CACNA2D3: variants seen among roughly 807,000 people sequenced by gnomAD.
CACNA2D3 encodes the protein calcium voltage-gated channel auxiliary subunit alpha2delta 3.
A neutral mutation model predicts 160.6 loss-of-function variants in CACNA2D3; 60 were observed. The ratio of observed to expected loss-of-function variants is 0.37; its 90% CI spans 0.30 to 0.46. The LOEUF (loss-of-function observed/expected upper bound fraction) is 0.46. Ranked by LOEUF, CACNA2D3 falls within the 20% of genes least tolerant of loss-of-function variation. The probability of loss-of-function intolerance (pLI) is 1.00; values close to 1 mark genes in which losing one functional copy is unlikely to be tolerated. For synonymous variants in CACNA2D3, 558 were observed against 492.9 expected (o/e 1.13, Z -1.75); for missense variants, 1,205 against 1,365.0 (o/e 0.88, Z 1.85).
At chr3:55,053,587 CT>C (rs34420521) in intron 35 of CACNA2D3, among the ~76,000 whole-genome samples, 3 of 152,030 alleles carry the variant, frequency 2.0e-5, no homozygotes, top group African/African-American at 7.2e-5. Context: ...TTTCCAACTG[CT>C]TTTTGCTACC....
At chr3:54,408,419 C>G (rs1699612503) in intron 4 of CACNA2D3, among the ~76,000 whole-genome samples, 1 of 152,142 alleles carries the variant, frequency 6.6e-6, no homozygotes, top group Non-Finnish European at 1.5e-5. Flanking sequence ...CAAACTGAAA[C>G]TTTAAGGAAG....
intron 2 of CACNA2D3, among the ~76,000 whole-genome samples, chr3:54,200,363 G>A (rs549605201): frequency 2.6e-5 from 4 of 152,316 alleles, no homozygotes; most frequent in Non-Finnish European, 4.4e-5. Context: ...TTCCAGAGCA[G>A]AAATAATTTG....
chr3:55,018,978 T>G (rs917617929), intron 35 of CACNA2D3, among the ~76,000 whole-genome samples: 9 of 151,216 alleles, frequency 6.0e-5, no homozygotes, highest in African/African-American at 1.9e-4. Flanking sequence ...AGATGGGGTC[T>G]TACTGTGTTG....
chr3:54,525,936 C>T (rs917944049), intron 5 of CACNA2D3, among the ~76,000 whole-genome samples: 2 of 151,806 alleles, frequency 1.3e-5, no homozygotes, highest in Admixed American at 1.3e-4. Context: ...TCTGTTTCTT[C>T]TCTTTGTTCT....
intron 9 of CACNA2D3, among the ~76,000 whole-genome samples, chr3:54,625,933 AT>A (rs1329081302): frequency 7.9e-5 from 12 of 152,188 alleles, no homozygotes; most frequent in Non-Finnish European, 1.3e-4. Context: ...GGGTTTCACC[AT>A]CTGAGTGCTG....
At chr3:54,284,624 T>C (rs898580557) in intron 2 of CACNA2D3, among the ~76,000 whole-genome samples, 1 of 152,204 alleles carries the variant, frequency 6.6e-6, no homozygotes, top group African/African-American at 2.4e-5. Context: ...ATCTCTGTCT[T>C]GATGAACAGT....
intron 11 of CACNA2D3, among the ~76,000 whole-genome samples, chr3:54,685,467 AATCC>A (rs1208059769): frequency 6.6e-6 from 1 of 152,226 alleles, no homozygotes; most frequent in Non-Finnish European, 1.5e-5. Context: ...ATAGTTTGCC[AATCC>A]CTGGAGTGAA....
intron 3 of CACNA2D3, among the ~76,000 whole-genome samples, chr3:54,327,182 T>G: frequency 6.6e-6 from 1 of 152,232 alleles, no homozygotes; most frequent in Middle Eastern, 3.2e-3. Context: ...TACTTCAGTT[T>G]GAGCCAACCT....
In CACNA2D3 at chr3:54,412,096, T is replaced by C. The variant is rs80032338; in HGVS notation, c.381+25322T>C. Reference sequence around the variant, plus strand: ...GAACTTTATAAAAAATAGAATAGTATAGTACGTAGTCTTTTGTGTCTGGTT... The same window carrying C: ...GAACTTTATAAAAAATAGAATAGTACAGTACGTAGTCTTTTGTGTCTGGTT... On this transcript the variant is annotated intron_variant, in intron 4 of 37. Coordinates refer to ENST00000474759, the MANE Select transcript of CACNA2D3 (RefSeq NM_018398.3). 4.6e-3 allele frequency among the ~76,000 whole-genome samples: 696 copies of C among 152,322 alleles called. 21 individuals are homozygous for C. The East Asian group carries it at 0.074, about 16-fold the overall frequency.
chr3:54,860,061 TA>T (rs1699259052), intron 17 of CACNA2D3, among the ~76,000 whole-genome samples: 1 of 151,036 alleles, frequency 6.6e-6, no homozygotes, highest in Non-Finnish European at 1.5e-5. Flanking sequence ...ATCCCTCTGC[TA>T]AGGAATGCTC....
chr3:55,070,430 TTTTG>T (rs1254882445), intron 35 of CACNA2D3, among the ~76,000 whole-genome samples: 1 of 152,052 alleles, frequency 6.6e-6, no homozygotes, highest in Non-Finnish European at 1.5e-5. Flanking sequence ...TAAGAGACAG[TTTTG>T]TTTTTCCTGA....
At chr3:54,653,424 T>G (rs1398039504) in intron 11 of CACNA2D3, among the ~76,000 whole-genome samples, 1 of 152,182 alleles carries the variant, frequency 6.6e-6, no homozygotes, top group Non-Finnish European at 1.5e-5. Flanking sequence ...TTGAGTGAGT[T>G]TGAGTCATTG....
At chr3:54,572,428 A>G (rs1034099897) in intron 8 of CACNA2D3, among the ~76,000 whole-genome samples, 8 of 152,158 alleles carry the variant, frequency 5.3e-5, no homozygotes, top group African/African-American at 1.9e-4. Context: ...TCCTGTGTGG[A>G]TTATCTCACT....
chr3:54,842,623 C>T lies in CACNA2D3; in HGVS notation c.1552-3770C>T, dbSNP rs186724139. On this transcript the variant is annotated intron_variant, in intron 16 of 37. Coordinates refer to ENST00000474759, the MANE Select transcript of CACNA2D3 (RefSeq NM_018398.3). ...TTTTCTTTTCTTTTTTTTTTTGAGA[C>T]AGGGTCTGGCTCTGTCACCCAGGCT... Among the ~76,000 whole-genome samples the T allele has an allele frequency of 5.7e-5, 8 of 139,600 alleles. No homozygotes were observed. The East Asian group carries it at 1.2e-3, about 22-fold the overall frequency. 91.6% of individuals were successfully genotyped at this position (139,600 alleles called of 152,430 possible).
chr3:54,771,137 ACTCCAAGAAG>A (rs1559576465), intron 13 of CACNA2D3, among the ~76,000 whole-genome samples: 1 of 152,040 alleles, frequency 6.6e-6, no homozygotes, highest in East Asian at 1.9e-4. Context: ...GCAGCTGTGT[ACTCCAAGAAG>A]GAGAACAGAT....
intron 11 of CACNA2D3, among the ~76,000 whole-genome samples, chr3:54,657,550 C>T (rs1699896534): frequency 6.6e-6 from 1 of 152,186 alleles, no homozygotes; most frequent in African/African-American, 2.4e-5. Context: ...CTGCCGGCCC[C>T]TAGTAGCCAC....
chr3:54,886,340 A>G (rs1288134015), intron 23 of CACNA2D3, among the ~76,000 whole-genome samples: 1 of 152,184 alleles, frequency 6.6e-6, no homozygotes, highest in African/African-American at 2.4e-5. Context: ...ACTTTTTGGG[A>G]TATGCCCTGG....
At chr3:54,577,182 G>A (rs796849335) in intron 8 of CACNA2D3, among the ~76,000 whole-genome samples, 25 of 152,352 alleles carry the variant, frequency 1.6e-4, no homozygotes, top group African/African-American at 6.0e-4. Flanking sequence ...AACTTAGCCA[G>A]TGTTTTATGT....
chr3:54,689,523 T>G (rs200081297), intron 11 of CACNA2D3, among the ~76,000 whole-genome samples: 1 of 152,122 alleles, frequency 6.6e-6, no homozygotes, highest in South Asian at 2.1e-4. Flanking sequence ...CAGACTTCTC[T>G]TGTCCAAAGT....
Sources: gnomAD v4.1 joint callset for allele counts (sites outside exome capture counted in the v4.1 genomes callset) on GRCh38, gnomAD v4.1.1 for gene constraint, MANE v1.5 for transcripts, NCBI Gene and HGNC (gene_info 2026-07-23, HGNC 2026-07-21) for gene names.